Variants in PTPRK observed in about 807,000 individuals in gnomAD.
PTPRK encodes the protein protein tyrosine phosphatase receptor type K.
In PTPRK, 75 loss-of-function variants were observed where a neutral mutation model predicts 178.0. The observed-to-expected ratio is 0.42, with a 90% CI of 0.35 to 0.51. The LOEUF (loss-of-function observed/expected upper bound fraction) is 0.51, where lower values mean the gene tolerates loss of function less well. Among genes scored for constraint, PTPRK ranks in the 20% least tolerant of loss-of-function variants. The pLI is 0.02. For missense variants in PTPRK, 1,441 were observed against 1,797.8 expected, an observed-to-expected ratio of 0.80 and a Z score of 3.59; for synonymous variants, 637 against 620.6, an observed-to-expected ratio of 1.03 and a Z score of -0.39.
chr6:127,992,821 G>A lies in PTPRK; in HGVS notation c.2845-112C>T, dbSNP rs796933319. The A allele has an allele frequency of 6.0e-6, 5 of 834,694 alleles. No individual in the cohort carries two copies. In the African/African-American group the frequency reaches 7.1e-5, roughly 12 times the overall value. The allele number at this position is 834,694 out of a possible 1,614,324, so 51.7% of individuals were successfully genotyped here. On this transcript the variant is annotated intron_variant, in intron 18 of 29. Coordinates refer to ENST00000368226, the MANE Select transcript of PTPRK (RefSeq NM_002844.4). ...TGTTAAGATTAAGTTATAATAAAAA[G>A]TCCAGAAATGAGTAGTGAACACATA...
rs200718777 is a variant in PTPRK, at chr6:128,322,130, G to A, written c.404C>T (p.Ala135Val). 5 of 1,613,876 alleles carry A rather than the reference G, an allele frequency of 3.1e-6. No individual in the cohort carries two copies. The highest frequency in any genetic ancestry group is 3.3e-5 in the Admixed American group (2 of 59,962). ...ILVRVNKGPLANPIWNVTGFT... is the reference protein window; with the variant it reads ...ILVRVNKGPLVNPIWNVTGFT... ...TCCAGTCACATTCCAAATTGGATTGGCAAGAGGTCCTTTATTCACCCTAAC... is the reference window on the plus strand; with the variant it reads ...TCCAGTCACATTCCAAATTGGATTGACAAGAGGTCCTTTATTCACCCTAAC... Residue 135 changes from alanine (A) to valine (V), a missense_variant, in exon 3 of 30, where the codon GCC (alanine) becomes GTC (valine). Transcript: ENST00000368226.
chr6:128,291,283 C>T (rs565431617), intron 3 of PTPRK, among the ~76,000 whole-genome samples: 1 of 152,164 alleles, frequency 6.6e-6, no homozygotes, highest in East Asian at 1.9e-4. Flanking sequence ...GGGTAGATGG[C>T]CTTCTGAGGC....
intron 2 of PTPRK, among the ~76,000 whole-genome samples, chr6:128,344,444 C>T (rs970280322): frequency 1.3e-5 from 2 of 152,062 alleles, no homozygotes; most frequent in South Asian, 2.1e-4. Context: ...TACCCTATAA[C>T]GTACAATCAG....
chr6:128,503,779 C>G (rs1855894659), intron 1 of PTPRK, among the ~76,000 whole-genome samples: 1 of 151,906 alleles, frequency 6.6e-6, no homozygotes, highest in Non-Finnish European at 1.5e-5. Context: ...CTCAAGCAAT[C>G]CTCCAGCCTC....
intron 1 of PTPRK, among the ~76,000 whole-genome samples, chr6:128,418,056 G>A (rs1843038230): frequency 6.6e-6 from 1 of 152,160 alleles, no homozygotes; most frequent in Admixed American, 6.5e-5. Flanking sequence ...CATTCTATTA[G>A]ACACTGTATC....
chr6:128,410,408 A>G (rs997802963), intron 1 of PTPRK, among the ~76,000 whole-genome samples: 3 of 152,192 alleles, frequency 2.0e-5, no homozygotes, highest in African/African-American at 7.2e-5. Context: ...AAAAGGATTG[A>G]CTATGTTTCA....
intron 1 of PTPRK, among the ~76,000 whole-genome samples, chr6:128,443,200 C>T (rs569811810): frequency 3.9e-5 from 6 of 152,070 alleles, no homozygotes; most frequent in Admixed American, 1.3e-4. Context: ...ATCAGTACAC[C>T]GTCTTTAAAT....
At chr6:128,465,515 C>T (rs927538490) in intron 1 of PTPRK, among the ~76,000 whole-genome samples, 1 of 151,940 alleles carries the variant, frequency 6.6e-6, no homozygotes, top group Non-Finnish European at 1.5e-5. Context: ...ATTATGGAAA[C>T]GAATCAATAA....
intron 1 of PTPRK, among the ~76,000 whole-genome samples, chr6:128,447,765 A>C (rs995903364): frequency 6.6e-6 from 1 of 152,000 alleles, no homozygotes; most frequent in African/African-American, 2.4e-5. Context: ...CTGGGACTAC[A>C]CGCGTGTGCC....
At chr6:128,516,405 C>A (rs1368921315) in intron 1 of PTPRK, among the ~76,000 whole-genome samples, 1 of 151,690 alleles carries the variant, frequency 6.6e-6, no homozygotes, top group Non-Finnish European at 1.5e-5. Flanking sequence ...GAAAAAAAAA[C>A]AGTCCTGGAA....
At chr6:128,185,767 C>T (rs1802654383) in intron 6 of PTPRK, among the ~76,000 whole-genome samples, 1 of 152,048 alleles carries the variant, frequency 6.6e-6, no homozygotes, top group African/African-American at 2.4e-5. Flanking sequence ...ACGGGGTGGA[C>T]TGAAGAAGGT....
chr6:128,064,902 A>T (rs1238240705), intron 12 of PTPRK, 108 bp from the exon 13 acceptor site: 2 of 1,217,094 alleles, frequency 1.6e-6, no homozygotes, highest in South Asian at 2.6e-5. Flanking sequence ...AAAAGGGATT[A>T]TAAACAACAG....
intron 3 of PTPRK, among the ~76,000 whole-genome samples, chr6:128,268,533 T>C (rs1819300816): frequency 6.6e-6 from 1 of 151,990 alleles, no homozygotes; most frequent in South Asian, 2.1e-4. Flanking sequence ...AGACAAAGCA[T>C]CAAAGACAGG....
intron 3 of PTPRK, among the ~76,000 whole-genome samples, chr6:128,246,981 A>T (rs1263263175): frequency 6.6e-6 from 1 of 152,196 alleles, no homozygotes; most frequent in Non-Finnish European, 1.5e-5. Context: ...TTCCTCTAGC[A>T]AACTGAATGA....
intron 9 of PTPRK, 194 bp downstream of exon 9, chr6:128,083,521 T>C (rs1362806709): frequency 2.6e-6 from 1 of 388,870 alleles, no homozygotes; most frequent in Non-Finnish European, 4.6e-6. Flanking sequence ...TTGAAAATTC[T>C]AGATGCCATA....
intron 6 of PTPRK, among the ~76,000 whole-genome samples, chr6:128,192,837 A>AAGGGG (rs1804061505): frequency 1.6e-5 from 2 of 127,018 alleles, no homozygotes; most frequent in South Asian, 3.1e-4. Context: ...AAGGGAAGGG[A>AAGGGG]AGGGGAGGGG....
intron 1 of PTPRK, among the ~76,000 whole-genome samples, chr6:128,463,747 T>TG: frequency 7.6e-6 from 1 of 132,382 alleles, no homozygotes; most frequent in Admixed American, 7.3e-5. Context: ...CACGGTTTTT[T>TG]TTTTTTTTTT....
intron 12 of PTPRK, among the ~76,000 whole-genome samples, chr6:128,065,408 G>T (rs1431051041): frequency 6.6e-6 from 1 of 152,116 alleles, no homozygotes; most frequent in Non-Finnish European, 1.5e-5. Context: ...AGTAGGAAAG[G>T]ACAAGAAAAA....
At chr6:128,117,896 A>G (rs966818815) in intron 7 of PTPRK, among the ~76,000 whole-genome samples, 2 of 152,006 alleles carry the variant, frequency 1.3e-5, no homozygotes, top group Non-Finnish European at 2.9e-5. Context: ...CAGGCAATCC[A>G]CCCACGTCGG....
Sources: gnomAD v4.1 joint callset for allele counts (sites outside exome capture counted in the v4.1 genomes callset) on GRCh38, gnomAD v4.1.1 for gene constraint, MANE v1.5 for transcripts, NCBI Gene and HGNC (gene_info 2026-07-23, HGNC 2026-07-21) for gene names.